Variants in GTF2E2 observed in about 807,000 individuals in gnomAD.
GTF2E2 encodes transcription initiation factor IIE subunit beta.
Under a neutral mutation model 40.5 loss-of-function variants are expected in GTF2E2, and 21 were observed. The ratio of observed to expected loss-of-function variants is 0.52; its 90% CI spans 0.37 to 0.75. The LOEUF (loss-of-function observed/expected upper bound fraction) is 0.75. GTF2E2 is among the 30% of genes least tolerant of loss of function. The pLI is 0.00. For missense variants in GTF2E2, 298 were observed against 338.4 expected, an observed-to-expected ratio of 0.88 and a Z score of 0.94; for synonymous variants, 117 against 121.6, an observed-to-expected ratio of 0.96 and a Z score of 0.25.
intron 6 of GTF2E2, among the ~76,000 whole-genome samples, chr8:30,598,190 C>T (rs942034310): frequency 5.3e-5 from 8 of 152,228 alleles, no homozygotes; most frequent in Non-Finnish European, 8.8e-5. Context: ...ATACCTTTTA[C>T]TCACTGGTTA....
intron 2 of GTF2E2, among the ~76,000 whole-genome samples, chr8:30,639,421 ATGT>A (rs751561294): frequency 1.3e-5 from 2 of 152,188 alleles, no homozygotes; most frequent in Admixed American, 6.5e-5. Flanking sequence ...TTTAAATATA[ATGT>A]TGAAGTCATT....
At chr8:30,652,822 G>A (rs1802325614) in intron 2 of GTF2E2, among the ~76,000 whole-genome samples, 1 of 152,136 alleles carries the variant, frequency 6.6e-6, no homozygotes, top group Non-Finnish European at 1.5e-5. Context: ...ACCGTTTATT[G>A]GTGAATGGAT....
chr8:30,604,406 T>C (rs1829264014), intron 6 of GTF2E2, among the ~76,000 whole-genome samples: 1 of 152,206 alleles, frequency 6.6e-6, no homozygotes, highest in South Asian at 2.1e-4. Flanking sequence ...TTCTGCATTA[T>C]CTTCCTGATT....
At chr8:30,645,675 T>G in intron 2 of GTF2E2, 2 of 1,383,716 alleles carry the variant, frequency 1.4e-6, no homozygotes, top group Non-Finnish European at 1.9e-6. Context: ...TGAGGCCAAC[T>G]GTTGCTACAA....
chr8:30,649,797 T>C (rs1480100967), intron 2 of GTF2E2, among the ~76,000 whole-genome samples: 1 of 152,150 alleles, frequency 6.6e-6, no homozygotes, highest in African/African-American at 2.4e-5. Context: ...GGGATATCAC[T>C]ACTGACTTTA....
intron 6 of GTF2E2, among the ~76,000 whole-genome samples, chr8:30,587,546 T>C (rs1034298261): frequency 2.0e-5 from 3 of 150,398 alleles, no homozygotes; most frequent in Non-Finnish European, 4.4e-5. Context: ...AATCCTGAAA[T>C]GTCAGAAATA....
intron 5 of GTF2E2, among the ~76,000 whole-genome samples, chr8:30,607,444 T>G (rs1284099415): frequency 6.6e-6 from 1 of 152,094 alleles, no homozygotes. Context: ...CACGTCTAGC[T>G]AATGTTTTCA....
chr8:30,597,056 T>C (rs1322406626), intron 6 of GTF2E2: 1 of 152,372 alleles, frequency 6.6e-6, no homozygotes, highest in African/African-American at 2.4e-5. Flanking sequence ...CCACAGCTGT[T>C]AGCCTCGTAT....
intron 6 of GTF2E2, among the ~76,000 whole-genome samples, chr8:30,595,992 C>A (rs935363561): frequency 1.3e-5 from 2 of 152,238 alleles, no homozygotes; most frequent in African/African-American, 4.8e-5. Context: ...TTTCGGTCTG[C>A]ATGGGTTCTA....
chr8:30,635,035 C>T lies in GTF2E2; in HGVS notation c.255G>A (p.Met85Ile). The change falls in exon 3 of 8, where the codon ATG becomes ATA. Residue 85 changes from methionine (M) to isoleucine (I), a missense_variant. Physicochemically the swap from Met to Ile is conservative, Grantham distance 10. Coordinates refer to ENST00000355904, the MANE Select transcript of GTF2E2 (RefSeq NM_002095.6). ...FGVLAKIVNYMKTRHQRGDTH... is the reference protein window; with the variant it reads ...FGVLAKIVNYIKTRHQRGDTH... ...GCTATCTGAGAAAAGTACTTACCTTCATGTAATTCACAATCTTAGCAAGAA... is the reference window on the plus strand; with the variant it reads ...GCTATCTGAGAAAAGTACTTACCTTTATGTAATTCACAATCTTAGCAAGAA... 2 of 1,556,138 alleles carry T rather than the reference C, an allele frequency of 1.3e-6. No individual in the cohort carries two copies. Among genetic ancestry groups the T allele is most frequent in the Non-Finnish European group, 1.8e-6 (2 of 1,130,460 alleles).
intron 3 of GTF2E2, among the ~76,000 whole-genome samples, chr8:30,632,646 G>A (rs971974758): frequency 6.6e-6 from 1 of 152,134 alleles, no homozygotes; most frequent in Non-Finnish European, 1.5e-5. Flanking sequence ...TATGAAGGGA[G>A]GGAGGGGAAC....
At chr8:30,594,123 G>A (rs1828927681) in intron 6 of GTF2E2, among the ~76,000 whole-genome samples, 1 of 151,952 alleles carries the variant, frequency 6.6e-6, no homozygotes, top group Non-Finnish European at 1.5e-5. Context: ...TAGAGATGAG[G>A]GTTTCACCAT....
At chr8:30,582,001 TTTTC>T (rs1828527820) in intron 6 of GTF2E2, among the ~76,000 whole-genome samples, 1 of 152,124 alleles carries the variant, frequency 6.6e-6, no homozygotes, top group African/African-American at 2.4e-5. Context: ...AGACAGACTG[TTTTC>T]TTTTTTTAAA....
At chr8:30,579,675 G>C (rs978627303) in intron 7 of GTF2E2, among the ~76,000 whole-genome samples, 4 of 152,162 alleles carry the variant, frequency 2.6e-5, no homozygotes, top group Admixed American at 6.5e-5. Flanking sequence ...GATAAGGAAA[G>C]GGGGGAGGAG....
rs184196820 is a variant in GTF2E2, at chr8:30,628,469, A to T, written c.258+6563T>A. ...ATGTCCACAACTTACTGATTAGGTT[A>T]ATAAATGTGAACTCGGAGGTATAGC... is the stretch of plus-strand genomic sequence containing the variant. On this transcript the variant is annotated intron_variant, in intron 3 of 7. Transcript: ENST00000355904. Among the ~76,000 whole-genome samples, 5 of 152,354 alleles carry T rather than the reference A, an allele frequency of 3.3e-5. No individual in the cohort carries two copies. In the East Asian group the frequency reaches 9.6e-4, roughly 29 times the overall value.
chr8:30,612,285 A>G lies in GTF2E2; in HGVS notation c.549+14T>C, dbSNP rs768676989. On this transcript the variant is annotated intron_variant, in intron 5 of 7. Coordinates refer to ENST00000355904, the MANE Select transcript of GTF2E2 (RefSeq NM_002095.6). Reference sequence around the variant, plus strand: ...TCAAATTATATTAAGACATAGAAAGAAAAGAGAGATTACCTTGACAGCTTT... The same window carrying G: ...TCAAATTATATTAAGACATAGAAAGGAAAGAGAGATTACCTTGACAGCTTT... The G allele has an allele frequency of 4.7e-6, 7 of 1,504,772 alleles. No homozygotes were observed. In the South Asian group the frequency reaches 8.0e-5, roughly 17 times the overall value. 93.2% of individuals were successfully genotyped at this position (1,504,772 alleles called of 1,614,324 possible).
chr8:30,613,650 A>G (rs994573889), intron 4 of GTF2E2, among the ~76,000 whole-genome samples: 3 of 152,384 alleles, frequency 2.0e-5, no homozygotes, highest in Admixed American at 2.0e-4. Context: ...CACTAATACA[A>G]TGAACTACAA....
At chr8:30,647,564 A>C (rs1281595510) in intron 2 of GTF2E2, among the ~76,000 whole-genome samples, 4 of 152,232 alleles carry the variant, frequency 2.6e-5, no homozygotes, top group African/African-American at 9.6e-5. Flanking sequence ...CTGAACAACA[A>C]GAGTGAAACT....
intron 2 of GTF2E2, among the ~76,000 whole-genome samples, chr8:30,652,589 G>GA (rs1219945041): frequency 2.6e-5 from 4 of 151,222 alleles, no homozygotes; most frequent in Non-Finnish European, 5.9e-5. Flanking sequence ...GCAAGGATGA[G>GA]AAAAAACTAG....
Sources: allele counts gnomAD v4.1 joint callset (sites outside exome capture counted in the v4.1 genomes callset), GRCh38; gene constraint gnomAD v4.1.1; transcripts MANE v1.5; gene names NCBI Gene and HGNC (gene_info 2026-07-23, HGNC 2026-07-21).